NIN: variants seen among roughly 807,000 people sequenced by gnomAD.
NIN encodes the protein glycogen synthase kinase 3 beta-interacting protein.
A neutral mutation model predicts 257.6 loss-of-function variants in NIN; 137 were observed. That is an observed-to-expected ratio of 0.53 (90% confidence interval 0.46 to 0.61). The LOEUF is 0.61. Among genes scored for constraint, NIN ranks in the 20% least tolerant of loss-of-function variants. NIN has a pLI of 0.00. For missense variants in NIN, 2,439 were observed against 2,501.2 expected (o/e 0.98, Z 0.53); for synonymous variants, 918 against 919.8 (o/e 1.00, Z 0.04).
intron 2 of NIN, among the ~76,000 whole-genome samples, chr14:50,827,229 G>A (rs766401129): frequency 6.6e-5 from 10 of 152,106 alleles, no homozygotes; most frequent in Admixed American, 1.3e-4. Context: ...AAGCTCAATA[G>A]AAAAAGCAGT....
intron 28 of NIN, among the ~76,000 whole-genome samples, chr14:50,732,685 T>A (rs981471169): frequency 6.6e-6 from 1 of 152,106 alleles, no homozygotes; most frequent in Non-Finnish European, 1.5e-5. Context: ...CTACATAATA[T>A]GTGAATTATA....
At chr14:50,780,797 G>T (rs2043105308) in intron 5 of NIN, among the ~76,000 whole-genome samples, 1 of 152,204 alleles carries the variant, frequency 6.6e-6, no homozygotes, top group Non-Finnish European at 1.5e-5. Context: ...ACAATGGAAA[G>T]TCACTAATAA....
chr14:50,727,722 G>A lies in NIN; in HGVS notation c.6079-1656C>T, dbSNP rs751276528. On this transcript the variant is annotated intron_variant, in intron 29 of 30. Transcript: ENST00000530997. ...GCCCAATCCTTCTGTAGGAATCTGC[G>A]TGCACTGCTCGCTGCTCCGGTAGCA... 33 of 1,433,794 alleles carry A rather than the reference G, an allele frequency of 2.3e-5. No homozygotes were observed. The South Asian group carries it at 3.0e-4, about 13-fold the overall frequency. The allele number at this position is 1,433,794 out of a possible 1,614,324, so 88.8% of individuals were successfully genotyped here.
chr14:50,824,712 G>A (rs1194113853), intron 2 of NIN, among the ~76,000 whole-genome samples: 1 of 152,132 alleles, frequency 6.6e-6, no homozygotes, highest in East Asian at 1.9e-4. Context: ...AAATATCATG[G>A]ATTGACTTCC....
chr14:50,733,238 G>A (rs576019017), intron 28 of NIN, among the ~76,000 whole-genome samples: 9 of 152,048 alleles, frequency 5.9e-5, no homozygotes, highest in African/African-American at 2.2e-4. Context: ...GATTACAGGC[G>A]CACACAACCA....
chr14:50,755,903 G>GA (rs34840554), intron 18 of NIN, among the ~76,000 whole-genome samples: 153 of 152,152 alleles, frequency 1.0e-3, no homozygotes, highest in African/African-American at 3.6e-3. Flanking sequence ...CTGGCCTCAA[G>GA]AAATCCTCTT....
Position 50,790,045 on chromosome 14 carries a change from CTT to C in NIN, c.435+2665_435+2666del, listed in dbSNP as rs534659988. Among the ~76,000 whole-genome samples, 51 of 152,242 alleles carry C rather than the reference CTT, an allele frequency of 3.3e-4. 1 individual carries two copies. Among genetic ancestry groups the C allele is most frequent in the African/African-American group, 1.1e-3 (46 of 41,540 alleles). On this transcript the variant is annotated intron_variant, in intron 5 of 30. Transcript: ENST00000530997. ...CCGCCAACAGGAACATCGAAAATGT[CTT>C]GTGTGAAGCTATTACTTTTTTTTTG...
At chr14:50,770,182 T>A (rs2042673640) in intron 12 of NIN, among the ~76,000 whole-genome samples, 1 of 152,136 alleles carries the variant, frequency 6.6e-6, no homozygotes, top group African/African-American at 2.4e-5. Flanking sequence ...TGCTAATCAA[T>A]ACTGTGAGCA....
In NIN at chr14:50,766,857, T is replaced by C; in HGVS notation, c.1468A>G (p.Asn490Asp). The C allele has an allele frequency of 6.2e-7, 1 of 1,613,922 alleles. No individual in the cohort carries two copies. Among genetic ancestry groups the C allele is most frequent in the Non-Finnish European group, 8.5e-7 (1 of 1,179,920 alleles). The change falls in exon 13 of 31, where the codon AAT becomes GAT. Residue 490 changes from asparagine to aspartate, a missense_variant. By Grantham distance (23) the Asn-to-Asp change is conservative (BLOSUM62 1). Coordinates refer to ENST00000530997, the MANE Select transcript of NIN (RefSeq NM_020921.4). Reference protein sequence around the residue: ...NSRLENELLENAEKLAEYENL... With the variant: ...NSRLENELLEDAEKLAEYENL... ...TCATATTCTGCCAACTTCTCTGCAT[T>C]TTCTAGAAGCTCATTTTCCAGACGA... is the stretch of plus-strand genomic sequence containing the variant.
In NIN at chr14:50,760,172, C is replaced by G. The variant is rs2042218517; in HGVS notation, c.2084G>C (p.Cys695Ser). 6.2e-7 allele frequency: 1 copy of G among 1,614,040 alleles called. No individual in the cohort carries two copies. Among genetic ancestry groups the G allele is most frequent in the Non-Finnish European group, 8.5e-7 (1 of 1,180,036 alleles). Reference sequence around the variant, plus strand: ...TTGTTTTTTCTCCTCCTCATGCCTGCAAGTGGCCTCATGATGTGCCTCCTT... The same window carrying G: ...TTGTTTTTTCTCCTCCTCATGCCTGGAAGTGGCCTCATGATGTGCCTCCTT... ...VLKEAHHEAT[C>S]RHEEEKKQLQ... Residue 695 changes from cysteine to serine, a missense_variant, in exon 17 of 31, where the codon TGC (cysteine) becomes TCC (serine). Physicochemically the swap from Cys to Ser is moderately radical, Grantham distance 112. Coordinates refer to ENST00000530997, the MANE Select transcript of NIN (RefSeq NM_020921.4).
rs1261582557 is a variant in NIN, at chr14:50,831,159, G to A, written c.-229C>T. 1.3e-5 allele frequency: 2 copies of A among 150,680 alleles called. No individual in the cohort carries two copies. Among genetic ancestry groups the A allele is most frequent in the African/African-American group, 2.4e-5 (1 of 41,362 alleles). The allele number at this position is 150,680 out of a possible 1,614,324, so 9.3% of individuals were successfully genotyped here. A position where few individuals can be genotyped will look rare whatever the true frequency, so the allele number is the denominator to read the frequency against. ...GGAGCTCTGGACGCCGGGGAGGAAG[G>A]GCCGGGCCCGCGCGGGGAGGAGGAG... On this transcript the variant is annotated 5_prime_UTR_variant, in exon 1 of 31. Coordinates refer to ENST00000530997, the MANE Select transcript of NIN (RefSeq NM_020921.4).
rs3015464 is a variant in NIN at position 50,737,952 on chromosome 14, T to C, written c.5775+188A>G. On this transcript the variant is annotated intron_variant, in intron 27 of 30. Transcript: ENST00000530997. The stretch of plus-strand genomic sequence containing the variant: ...GAGCCACCACACCCGGCCAAACTGT[T>C]ATTTTTTCAACCATTATTCAATCAA... Among the ~76,000 whole-genome samples the C allele has an allele frequency of 7.2e-3, 1,102 of 152,296 alleles. 21 individuals carry two copies. The highest frequency in any genetic ancestry group is 0.025 in the African/African-American group (1,021 of 41,556).
chr14:50,826,111 G>A (rs534357971), intron 2 of NIN, among the ~76,000 whole-genome samples: 1 of 152,346 alleles, frequency 6.6e-6, no homozygotes, highest in African/African-American at 2.4e-5. Context: ...GCAATCCAGT[G>A]CTTTTCAGGG....
intron 23 of NIN, 100 bp downstream of exon 23, chr14:50,744,143 C>A (rs1350499792): frequency 7.6e-7 from 1 of 1,319,348 alleles, no homozygotes; most frequent in Non-Finnish European, 1.1e-6. Flanking sequence ...TCTGGAACAA[C>A]AGACTACCAC....
In NIN at chr14:50,752,074, G is replaced by A. The variant is rs188345252; in HGVS notation, c.4950+444C>T. Reference sequence around the variant, plus strand: ...ATCAGTGTTTTCTTTTATTGCCTCCGGTTTTTGAGTTACAGTTAAATAGCC... The same window carrying A: ...ATCAGTGTTTTCTTTTATTGCCTCCAGTTTTTGAGTTACAGTTAAATAGCC... On this transcript the variant is annotated intron_variant, in intron 21 of 30. Coordinates refer to ENST00000530997, the MANE Select transcript of NIN (RefSeq NM_020921.4). Among the ~76,000 whole-genome samples, 87 of 151,300 alleles carry A rather than the reference G, an allele frequency of 5.8e-4. 1 individual carries two copies. The highest frequency in any genetic ancestry group is 1.9e-3 in the African/African-American group (78 of 41,232).
chr14:50,724,703 T>C (rs1270871639), intron 30 of NIN, among the ~76,000 whole-genome samples: 1 of 152,214 alleles, frequency 6.6e-6, no homozygotes, highest in Non-Finnish European at 1.5e-5. Context: ...CAGTGTGAAC[T>C]GGCAATGCTG....
intron 2 of NIN, among the ~76,000 whole-genome samples, chr14:50,828,231 T>A (rs1395780917): frequency 6.6e-6 from 1 of 152,210 alleles, no homozygotes; most frequent in Non-Finnish European, 1.5e-5. Context: ...GATCTTCTCT[T>A]CTCACGTCTA....
chr14:50,816,700 G>C (rs1268532376), intron 3 of NIN, among the ~76,000 whole-genome samples: 5 of 152,132 alleles, frequency 3.3e-5, no homozygotes, highest in African/African-American at 1.2e-4. Context: ...CCTCTGTCCA[G>C]ACAGGAAGCT....
intron 3 of NIN, among the ~76,000 whole-genome samples, chr14:50,811,790 C>G (rs142293484): frequency 0.012 from 1,894 of 151,812 alleles, 33 homozygotes; most frequent in African/African-American, 0.043. Flanking sequence ...GTCAGGAGAT[C>G]GAGACCATCC....
Sources: allele counts gnomAD v4.1 joint callset (sites outside exome capture counted in the v4.1 genomes callset), GRCh38; gene constraint gnomAD v4.1.1; transcripts MANE v1.5; gene names NCBI Gene and HGNC (gene_info 2026-07-23, HGNC 2026-07-21).